The following STARD9 variants were observed in gnomAD, a reference collection of about 807,000 sequenced individuals.
The protein encoded by STARD9 is StAR related lipid transfer domain containing 9.
STARD9 carries 346 observed loss-of-function variants against 399.8 expected under a neutral mutation model. That is an observed-to-expected ratio of 0.87 (90% CI 0.79 to 0.95). The LOEUF is 0.95. STARD9 is among the 40% of genes least tolerant of loss of function. The pLI is 0.00. For missense variants in STARD9, 5,832 were observed against 5,667.5 expected, an observed-to-expected ratio of 1.03 and a Z score of -0.93; for synonymous variants, 2,203 against 2,143.5, an observed-to-expected ratio of 1.03 and a Z score of -0.77.
chr15:42,713,035 G>A (rs1017235977), intron 26 of STARD9, among the ~76,000 whole-genome samples: 1 of 152,148 alleles, frequency 6.6e-6, no homozygotes, highest in Non-Finnish European at 1.5e-5. Context: ...AGATCAATTG[G>A]GGGAGCATTG....
Position 42,692,466 on chromosome 15 carries a change from G to A in STARD9, c.10888G>A (p.Val3630Met). 1 of 1,537,118 alleles carries A rather than the reference G, an allele frequency of 6.5e-7. No homozygotes were observed. Among genetic ancestry groups the A allele is most frequent in the Non-Finnish European group, 8.7e-7 (1 of 1,146,920 alleles). Residue 3630 changes from valine (V) to methionine (M), a missense_variant, in exon 23 of 33, where the codon GTG (valine) becomes ATG (methionine). Val to Met is a conservative substitution (Grantham distance 21). Coordinates refer to ENST00000290607, the MANE Select transcript of STARD9 (RefSeq NM_020759.3). ...LLYPSEAGCP[V>M]GQTRTNTFEQ... Reference sequence around the variant, plus strand: ...GTATCCATCAGAGGCAGGCTGCCCTGTGGGACAGACCAGGACGAACACATT... The same window carrying A: ...GTATCCATCAGAGGCAGGCTGCCCTATGGGACAGACCAGGACGAACACATT...
intron 9 of STARD9, among the ~76,000 whole-genome samples, chr15:42,660,946 G>T (rs979476066): frequency 3.3e-4 from 46 of 139,344 alleles, no homozygotes; most frequent in African/African-American, 1.0e-3. Flanking sequence ...GGTGTTTTTT[G>T]TTTTGTTTTT....
chr15:42,684,330 C>G lies in STARD9; in HGVS notation c.2752C>G (p.Pro918Ala). ...CTTGGCCAGGAAGGGAGCCTCAGCT[C>G]CAGACGCTTGCCTCACCATGAGTCC... ...AALARKGASA[P>A]DACLTMSPNS... is the part of the protein sequence containing the mutation. Residue 918 changes from proline (P) to alanine (A), a missense_variant, in exon 23 of 33, where the codon CCA becomes GCA. Physicochemically the swap from Pro to Ala is conservative, Grantham distance 27. Coordinates refer to ENST00000290607, the MANE Select transcript of STARD9 (RefSeq NM_020759.3). 2 of 1,536,506 alleles carry G rather than the reference C, an allele frequency of 1.3e-6. No individual in the cohort carries two copies.
chr15:42,718,344 G>A, intron 30 of STARD9, 91 bp from the exon 31 acceptor site: 1 of 1,248,910 alleles, frequency 8.0e-7, no homozygotes, highest in Non-Finnish European at 1.1e-6. Context: ...TCAAGTGATG[G>A]GGTGTTGGGG....
intron 3 of STARD9, among the ~76,000 whole-genome samples, chr15:42,592,546 G>A (rs1438532705): frequency 6.6e-6 from 1 of 152,070 alleles, no homozygotes; most frequent in Non-Finnish European, 1.5e-5. Context: ...CCGGTTTCTA[G>A]CAATTCTCCT....
At chr15:42,589,233 A>G (rs1163075052) in intron 3 of STARD9, among the ~76,000 whole-genome samples, 4 of 152,026 alleles carry the variant, frequency 2.6e-5, no homozygotes, top group Admixed American at 2.6e-4. Flanking sequence ...ATTATTTTTA[A>G]TAGAGATAGG....
In STARD9 at chr15:42,695,351, C is replaced by T. The variant is rs535565144; in HGVS notation, c.13146+28C>T. 3 of 1,506,444 alleles carry T rather than the reference C, an allele frequency of 2.0e-6. No individual in the cohort carries two copies. In the African/African-American group the frequency reaches 4.1e-5, roughly 21 times the overall value. The allele number at this position is 1,506,444 out of a possible 1,614,324, so 93.3% of individuals were successfully genotyped here. A position where few individuals can be genotyped will look rare whatever the true frequency, so the allele number is the denominator to read the frequency against. On this transcript the variant is annotated intron_variant, in intron 25 of 32. Transcript: ENST00000290607. ...GTGGAGTGGGGCATGCCTCTGATTT[C>T]AGGATAGGCCTGGACCTCAGACTGG...
chr15:42,699,392 C>CTTTTTCTTTTTTTTTTTTTTT (rs2060912049), intron 26 of STARD9, among the ~76,000 whole-genome samples: 1 of 113,280 alleles, frequency 8.8e-6, no homozygotes, highest in African/African-American at 4.1e-5. Flanking sequence ...TTTTTCTTTT[C>CTTTTTCTTTTTTTTTTTTTTT]TTTTTTTTTT....
Position 42,687,188 on chromosome 15 carries a change from C to T in STARD9, c.5610C>T (p.Asn1870=). 1.0e-5 allele frequency: 16 copies of T among 1,537,416 alleles called. No homozygotes were observed. Among genetic ancestry groups the T allele is most frequent in the Non-Finnish European group, 1.3e-5 (15 of 1,146,956 alleles). ...GCACAAAAGTATGTGAATTTGAAAACCAAGTTGTAATTTTAAATAAAAAAC... is the reference window on the plus strand; with the variant it reads ...GCACAAAAGTATGTGAATTTGAAAATCAAGTTGTAATTTTAAATAAAAAAC... The part of the protein sequence containing the change: ...STSTKVCEFE[N]QVVILNKKHS... Residue 1870 remains asparagine (N), a synonymous_variant, in exon 23 of 33, where the codon AAC becomes AAT. Coordinates refer to ENST00000290607, the MANE Select transcript of STARD9 (RefSeq NM_020759.3).
At chr15:42,651,114 T>C (rs962742254) in intron 8 of STARD9, 29 bp downstream of exon 8, 35 of 1,460,862 alleles carry the variant, frequency 2.4e-5, no homozygotes, top group Admixed American at 2.0e-4. Flanking sequence ...TCTGTCATTC[T>C]TTTATCCTCA....
intron 9 of STARD9, among the ~76,000 whole-genome samples, chr15:42,660,115 A>G (rs1047612411): frequency 6.6e-5 from 10 of 152,240 alleles, no homozygotes; most frequent in African/African-American, 2.4e-4. Context: ...GTACGATTCT[A>G]TTTATATGAA....
Position 42,687,115 on chromosome 15 carries a change from C to T in STARD9, c.5537C>T (p.Ser1846Leu). Reference sequence around the variant, plus strand: ...AATATTACAGAAGAAAGCCATGATTCAGTTTATTCTTCTGTTACTCAGAAC... The same window carrying T: ...AATATTACAGAAGAAAGCCATGATTTAGTTTATTCTTCTGTTACTCAGAAC... The part of the protein sequence containing the change: ...PGNITEESHD[S>L]VYSSVTQNRH... The change falls in exon 23 of 33, where the codon TCA becomes TTA. Residue 1846 changes from serine (S) to leucine (L), a missense_variant. This residue lies in a region of STARD9 where 5,828 missense variants were observed against 5,651.1 expected (regional missense o/e 1.03). Coordinates refer to ENST00000290607, the MANE Select transcript of STARD9 (RefSeq NM_020759.3). 6.5e-7 allele frequency: 1 copy of T among 1,537,228 alleles called. No homozygotes were observed. Among genetic ancestry groups the T allele is most frequent in the Non-Finnish European group, 8.7e-7 (1 of 1,146,914 alleles).
At chr15:42,625,019 C>T (rs924079906) in intron 3 of STARD9, among the ~76,000 whole-genome samples, 3 of 152,072 alleles carry the variant, frequency 2.0e-5, no homozygotes, top group Non-Finnish European at 2.9e-5. Context: ...CAGAATACAT[C>T]ATAGACATTT....
At chr15:42,695,671 G>T (rs987883322) in intron 25 of STARD9, 72 bp from the exon 26 acceptor site, 101 of 1,483,048 alleles carry the variant, frequency 6.8e-5, no homozygotes, top group Non-Finnish European at 8.6e-5. Flanking sequence ...GTGGCTTTGG[G>T]TAGGAAAAGG....
In STARD9 at chr15:42,688,813, G is replaced by A. The variant is rs558803769; in HGVS notation, c.7235G>A (p.Arg2412Gln). 2.3e-5 allele frequency: 35 copies of A among 1,537,294 alleles called. No individual in the cohort carries two copies. The highest frequency in any genetic ancestry group is 9.8e-5 in the East Asian group (4 of 40,926). ...CACACTGCCTGGTGTGGGTCTGTGC[G>A]ATCCATGGCCATGGGATCTCATAGT... The part of the protein sequence containing the change: ...EAHTAWCGSV[R>Q]SMAMGSHSQS... Residue 2412 changes from arginine to glutamine, a missense_variant, in exon 23 of 33, where the codon CGA becomes CAA. Physicochemically the swap from Arg to Gln is conservative, Grantham distance 43 (BLOSUM62 1). Coordinates refer to ENST00000290607, the MANE Select transcript of STARD9 (RefSeq NM_020759.3).
rs1228903895 is a variant in STARD9 at position 42,717,963 on chromosome 15, G to A, written c.13560-14G>A. ...GACCCCTTTCTATTTTCTGTGCTTGGTGTCTCCCCCCAGCTATCAGGGTGA... is the reference window on the plus strand; with the variant it reads ...GACCCCTTTCTATTTTCTGTGCTTGATGTCTCCCCCCAGCTATCAGGGTGA... On this transcript the variant is annotated splice_polypyrimidine_tract_variant and intron_variant, in intron 29 of 32. Transcript: ENST00000290607. The A allele has an allele frequency of 2.3e-5, 35 of 1,536,606 alleles. No individual in the cohort carries two copies. The highest frequency in any genetic ancestry group is 2.7e-5 in the Non-Finnish European group (31 of 1,146,572).
In STARD9 at chr15:42,638,785, C is replaced by A; in HGVS notation, c.532C>A (p.His178Asn). Residue 178 changes from histidine (H) to asparagine (N), a missense_variant, in exon 7 of 33, where the codon CAT (histidine) becomes AAT (asparagine). Around this residue, in one of 2 missense-constraint regions of STARD9, gnomAD observed 5,828 missense variants for 5,651.1 expected, o/e 1.03. Coordinates refer to ENST00000290607, the MANE Select transcript of STARD9 (RefSeq NM_020759.3). ...KKSYTLRVRE[H>N]PEMGPYVQGL... ...GTCCTATACCCTGCGGGTCAGGGAGCATCCAGAGATGGGGCCCTATGTACA... is the reference window on the plus strand; with the variant it reads ...GTCCTATACCCTGCGGGTCAGGGAGAATCCAGAGATGGGGCCCTATGTACA... 1 of 1,535,610 alleles carries A rather than the reference C, an allele frequency of 6.5e-7. No individual in the cohort carries two copies. Among genetic ancestry groups the A allele is most frequent in the South Asian group, 1.2e-5 (1 of 83,870 alleles).
chr15:42,687,737 T>C lies in STARD9; in HGVS notation c.6159T>C (p.Ser2053=), dbSNP rs776195291. The C allele has an allele frequency of 6.5e-7, 1 of 1,536,662 alleles. No homozygotes were observed. Among genetic ancestry groups the C allele is most frequent in the African/African-American group, 1.4e-5 (1 of 72,806 alleles). Residue 2053 remains serine, a synonymous_variant, in exon 23 of 33, where the codon AGT becomes AGC. Transcript: ENST00000290607. ...NTDEMARLIR[S]VMQLENGILE... ...ATGAAATGGCTAGGCTAATTAGGAG[T>C]GTAATGCAGCTGGAAAATGGCATCT...
At chr15:42,664,040 A>T (rs1281757715) in intron 13 of STARD9, 123 bp downstream of exon 13, 12 of 651,442 alleles carry the variant, frequency 1.8e-5, no homozygotes, top group Non-Finnish European at 2.7e-5. Flanking sequence ...CCTCCAGATG[A>T]TGAGGGAGTA....
Sources: allele counts gnomAD v4.1 joint callset (sites outside exome capture counted in the v4.1 genomes callset), GRCh38; gene constraint gnomAD v4.1.1; regional missense constraint gnomAD v4.1.1; transcripts MANE v1.5; gene names NCBI Gene and HGNC (gene_info 2026-07-23, HGNC 2026-07-21).